Variants in NEGR1 observed in about 807,000 individuals in gnomAD.
NEGR1 encodes the protein neuronal growth regulator 1, also known as IgLON family member 4.
A neutral mutation model predicts 40.9 loss-of-function variants in NEGR1; 10 were observed. That is an observed-to-expected ratio of 0.24 (90% CI 0.15 to 0.42). The LOEUF (loss-of-function observed/expected upper bound fraction) is 0.42, where lower values mean the gene tolerates loss of function less well. NEGR1 is among the 10% of genes least tolerant of loss of function. The probability of loss-of-function intolerance (pLI) is 1.00; values close to 1 mark genes in which losing one functional copy is unlikely to be tolerated. For missense variants in NEGR1, 352 were observed against 438.9 expected (o/e 0.80, Z 1.77); for synonymous variants, 185 against 166.8 (o/e 1.11, Z -0.84).
intron 1 of NEGR1, among the ~76,000 whole-genome samples, chr1:72,009,147 C>A (rs1646635137): frequency 1.3e-5 from 2 of 151,714 alleles, no homozygotes; most frequent in South Asian, 4.1e-4. Flanking sequence ...ATATATTTGT[C>A]AAAATATTTT....
At chr1:71,493,569 A>G (rs1046678190) in intron 6 of NEGR1, among the ~76,000 whole-genome samples, 1 of 152,148 alleles carries the variant, frequency 6.6e-6, no homozygotes. Context: ...CTGGTTAAAC[A>G]TATACTGTTT....
At chr1:72,241,186 T>A (rs144791313) in intron 1 of NEGR1, among the ~76,000 whole-genome samples, 161 of 151,712 alleles carry the variant, frequency 1.1e-3, no homozygotes, top group Non-Finnish European at 2.0e-3. Context: ...GGAAGTTAGA[T>A]AATAATTTAT....
intron 1 of NEGR1, among the ~76,000 whole-genome samples, chr1:72,242,310 A>T (rs1654771457): frequency 6.6e-6 from 1 of 151,698 alleles, no homozygotes; most frequent in African/African-American, 2.4e-5. Flanking sequence ...GCTATAAAAA[A>T]TTTATTAAGT....
At chr1:72,057,613 C>T (rs1647123630) in intron 1 of NEGR1, among the ~76,000 whole-genome samples, 1 of 151,468 alleles carries the variant, frequency 6.6e-6, no homozygotes, top group Non-Finnish European at 1.5e-5. Context: ...CGAGGGGCCC[C>T]TCCAGCCCCT....
intron 6 of NEGR1, among the ~76,000 whole-genome samples, chr1:71,587,469 A>G (rs1170886704): frequency 6.6e-6 from 1 of 151,954 alleles, no homozygotes; most frequent in African/African-American, 2.4e-5. Flanking sequence ...GAAAGGAGAC[A>G]TTCCAGAAAG....
At chr1:71,443,162 T>G (rs771084390) in intron 6 of NEGR1, among the ~76,000 whole-genome samples, 4 of 152,232 alleles carry the variant, frequency 2.6e-5, no homozygotes, top group Non-Finnish European at 5.9e-5. Flanking sequence ...TATTTATGTA[T>G]TTATCAAATA....
In NEGR1 at chr1:72,075,145, A is replaced by G. The variant is rs1217888207; in HGVS notation, c.177-139834T>C. ...TTTAGATGTTTTTGGAAACATTACA[A>G]TATTTCAAACCACCACATAGATATA... On this transcript the variant is annotated intron_variant, in intron 1 of 6. Coordinates refer to ENST00000357731, the MANE Select transcript of NEGR1 (RefSeq NM_173808.3). Among the ~76,000 whole-genome samples, 9 of 152,164 alleles carry G rather than the reference A, an allele frequency of 5.9e-5. No individual in the cohort carries two copies. In the East Asian group the frequency reaches 1.5e-3, roughly 26 times the overall value.
At chr1:72,164,253 A>G (rs1244785313) in intron 1 of NEGR1, among the ~76,000 whole-genome samples, 1 of 151,986 alleles carries the variant, frequency 6.6e-6, no homozygotes, top group Non-Finnish European at 1.5e-5. Context: ...AAAAGAAGGT[A>G]GCTTATGTTT....
At chr1:71,440,495 G>A (rs968059512) in intron 6 of NEGR1, among the ~76,000 whole-genome samples, 4 of 152,082 alleles carry the variant, frequency 2.6e-5, no homozygotes, top group Admixed American at 2.0e-4. Flanking sequence ...TGTAATAATC[G>A]ACATGTTGAG....
intron 6 of NEGR1, among the ~76,000 whole-genome samples, chr1:71,581,582 A>G (rs1416154271): frequency 1.3e-5 from 2 of 152,168 alleles, no homozygotes; most frequent in Non-Finnish European, 2.9e-5. Context: ...CTGGTTACAG[A>G]TACATGATTC....
chr1:71,497,565 T>C (rs986056109), intron 6 of NEGR1, among the ~76,000 whole-genome samples: 1 of 152,106 alleles, frequency 6.6e-6, no homozygotes, highest in African/African-American at 2.4e-5. Context: ...ATAGAATTGG[T>C]ATGTTGTTTC....
intron 3 of NEGR1, among the ~76,000 whole-genome samples, chr1:71,731,028 T>G (rs1011413000): frequency 1.3e-5 from 2 of 152,034 alleles, no homozygotes; most frequent in African/African-American, 4.8e-5. Flanking sequence ...TTTACTTTTT[T>G]TGTTCCTAAT....
chr1:71,854,391 A>G (rs1357356227), intron 2 of NEGR1, among the ~76,000 whole-genome samples: 1 of 152,116 alleles, frequency 6.6e-6, no homozygotes, highest in Admixed American at 6.6e-5. Flanking sequence ...ATAAATTTTA[A>G]GCAAATTAGT....
intron 1 of NEGR1, among the ~76,000 whole-genome samples, chr1:72,047,001 T>C (rs1359506665): frequency 6.6e-6 from 1 of 151,528 alleles, no homozygotes; most frequent in Non-Finnish European, 1.5e-5. Context: ...CGCAGAATGG[T>C]AAACAGATTA....
At chr1:71,475,448 G>A (rs556808056) in intron 6 of NEGR1, among the ~76,000 whole-genome samples, 101 of 152,100 alleles carry the variant, frequency 6.6e-4, no homozygotes, top group Non-Finnish European at 7.4e-4. Flanking sequence ...TGAGATTTTT[G>A]TGATAATAAA....
chr1:71,528,832 G>A (rs779563842), intron 6 of NEGR1, among the ~76,000 whole-genome samples: 10 of 151,024 alleles, frequency 6.6e-5, no homozygotes, highest in East Asian at 3.9e-4. Flanking sequence ...GACTGTCAAC[G>A]GGAACTAGAT....
intron 1 of NEGR1, among the ~76,000 whole-genome samples, chr1:72,260,299 T>G (rs900471697): frequency 6.6e-6 from 1 of 152,074 alleles, no homozygotes; most frequent in Non-Finnish European, 1.5e-5. Flanking sequence ...AAAATCAGGA[T>G]TTTATTCTCT....
intron 6 of NEGR1, among the ~76,000 whole-genome samples, chr1:71,559,538 T>C (rs1648372273): frequency 6.6e-6 from 1 of 151,652 alleles, no homozygotes. Flanking sequence ...CACATTTCTA[T>C]GGATTTTGAC....
At position 71,776,242 on chromosome 1, in the gene NEGR1, G is replaced by A. The variant is rs139658965; in HGVS notation, c.465C>T (p.Asn155=). The A allele has an allele frequency of 5.9e-4, 942 of 1,605,544 alleles. 12 individuals carry two copies. In the East Asian group the frequency reaches 0.017, roughly 29 times the overall value. ...SNDMTVNEGT[N]VTLTCLATGK... Reference sequence around the variant, plus strand: ...CAGTGGCCAAACAAGTAAGAGTGACGTTGGTTCCTTCATTGACGGTCATAT... The same window carrying A: ...CAGTGGCCAAACAAGTAAGAGTGACATTGGTTCCTTCATTGACGGTCATAT... The change falls in exon 3 of 7, where the codon AAC becomes AAT. Residue 155 remains asparagine (N), a synonymous_variant. Coordinates refer to ENST00000357731, the MANE Select transcript of NEGR1 (RefSeq NM_173808.3).
Sources: allele counts gnomAD v4.1 joint callset (sites outside exome capture counted in the v4.1 genomes callset), GRCh38; gene constraint gnomAD v4.1.1; transcripts MANE v1.5; gene names NCBI Gene and HGNC (gene_info 2026-07-23, HGNC 2026-07-21).